NLK: variants seen among roughly 807,000 people sequenced by gnomAD.
NLK encodes the protein nemo like kinase, also known as serine/threonine-protein kinase NLK.
NLK carries 11 observed loss-of-function variants against 59.0 expected under a neutral mutation model. The ratio of observed to expected loss-of-function variants is 0.19; its 90% confidence interval spans 0.12 to 0.31. NLK has a LOEUF of 0.31. Ranked by LOEUF, NLK falls within the 10% of genes least tolerant of loss-of-function variation. NLK has a pLI of 1.00. For missense variants in NLK, 410 were observed against 661.1 expected (o/e 0.62, Z 4.16); for synonymous variants, 235 against 235.9 (o/e 1.00, Z 0.03).
chr17:28,086,190 A>G (rs1363153092), intron 1 of NLK, among the ~76,000 whole-genome samples: 1 of 152,208 alleles, frequency 6.6e-6, no homozygotes, highest in Non-Finnish European at 1.5e-5. Context: ...AAGGATTTAC[A>G]AGTTTTTTGT....
chr17:28,152,259 C>T (rs954451688), intron 3 of NLK, among the ~76,000 whole-genome samples: 1 of 152,160 alleles, frequency 6.6e-6, no homozygotes, highest in Non-Finnish European at 1.5e-5. Context: ...AATGTAGTCA[C>T]TGTTAGAATA....
At chr17:28,178,890 A>G (rs1260598156) in intron 7 of NLK, among the ~76,000 whole-genome samples, 2 of 152,214 alleles carry the variant, frequency 1.3e-5, no homozygotes, top group Non-Finnish European at 2.9e-5. Context: ...AATGAAAACT[A>G]ATAGGAACGT....
intron 1 of NLK, among the ~76,000 whole-genome samples, chr17:28,073,115 T>C (rs1910061302): frequency 6.6e-6 from 1 of 152,126 alleles, no homozygotes; most frequent in Admixed American, 6.6e-5. Flanking sequence ...ACACCACTAG[T>C]TTGAATTTTA....
chr17:28,187,159 G>A (rs1048783262), intron 8 of NLK, among the ~76,000 whole-genome samples: 4 of 152,178 alleles, frequency 2.6e-5, no homozygotes, highest in Non-Finnish European at 5.9e-5. Flanking sequence ...TGAAATTTAT[G>A]TGTTAGAAAT....
intron 7 of NLK, among the ~76,000 whole-genome samples, chr17:28,174,701 A>G (rs1908603678): frequency 6.6e-6 from 1 of 152,222 alleles, no homozygotes; most frequent in African/African-American, 2.4e-5. Context: ...TTCCTCCAGT[A>G]TGGAAATTCA....
chr17:28,167,960 T>C (rs1344925601), intron 5 of NLK, among the ~76,000 whole-genome samples: 1 of 152,082 alleles, frequency 6.6e-6, no homozygotes, highest in Non-Finnish European at 1.5e-5. Context: ...GTTTGAGACT[T>C]TTTTCCTCTC....
chr17:28,140,781 C>T (rs1021945846), intron 3 of NLK, among the ~76,000 whole-genome samples: 1 of 151,806 alleles, frequency 6.6e-6, no homozygotes, highest in Non-Finnish European at 1.5e-5. Context: ...TGGACTCCTT[C>T]TCTACTCCCC....
intron 1 of NLK, among the ~76,000 whole-genome samples, chr17:28,054,125 C>A (rs1272609725): frequency 1.3e-5 from 2 of 152,212 alleles, no homozygotes; most frequent in Non-Finnish European, 2.9e-5. Context: ...TAAAAGTAAT[C>A]CAGAAGCTAT....
intron 1 of NLK, among the ~76,000 whole-genome samples, chr17:28,063,399 A>G (rs1270267551): frequency 6.6e-6 from 1 of 152,188 alleles, no homozygotes; most frequent in Non-Finnish European, 1.5e-5. Context: ...AAAAGAATTT[A>G]AAATCGAGGA....
intron 3 of NLK, among the ~76,000 whole-genome samples, chr17:28,153,215 G>A (rs1417842132): frequency 1.3e-5 from 2 of 151,564 alleles, no homozygotes; most frequent in Admixed American, 1.3e-4. Flanking sequence ...TGGAGGTTGT[G>A]GTGAGCCGAG....
chr17:28,175,882 T>C (rs1430877151), intron 7 of NLK, among the ~76,000 whole-genome samples: 1 of 152,194 alleles, frequency 6.6e-6, no homozygotes, highest in Non-Finnish European at 1.5e-5. Flanking sequence ...TCTATTAATA[T>C]TTTATAACAG....
At chr17:28,050,293 T>C (rs1251576595) in intron 1 of NLK, among the ~76,000 whole-genome samples, 1 of 152,158 alleles carries the variant, frequency 6.6e-6, no homozygotes, top group Non-Finnish European at 1.5e-5. Context: ...AGGGCCTATA[T>C]GCAGGAGACT....
chr17:28,127,725 A>G (rs920453644), intron 2 of NLK, among the ~76,000 whole-genome samples: 2 of 152,228 alleles, frequency 1.3e-5, no homozygotes, highest in Non-Finnish European at 2.9e-5. Context: ...CTATATGCGT[A>G]TGGAAATTCA....
intron 7 of NLK, among the ~76,000 whole-genome samples, chr17:28,183,120 C>G (rs1418719161): frequency 6.6e-6 from 1 of 152,164 alleles, no homozygotes; most frequent in African/African-American, 2.4e-5. Flanking sequence ...ACTCGGGAGG[C>G]TGAGGTGGGA....
chr17:28,197,919 A>G (rs963315227), downstream of NLK, among the ~76,000 whole-genome samples: 1 of 152,238 alleles, frequency 6.6e-6, no homozygotes, highest in African/African-American at 2.4e-5. Context: ...CAAGAAGATG[A>G]CATACTTCAA....
intron 8 of NLK, among the ~76,000 whole-genome samples, chr17:28,190,126 G>A (rs564698708): frequency 1.8e-4 from 28 of 152,276 alleles, no homozygotes; most frequent in African/African-American, 6.5e-4. Flanking sequence ...TGGAATCAGG[G>A]CAAAGTGTGT....
intron 8 of NLK, among the ~76,000 whole-genome samples, chr17:28,187,900 T>G (rs925535960): frequency 6.6e-6 from 1 of 152,102 alleles, no homozygotes; most frequent in Admixed American, 6.6e-5. Flanking sequence ...ACATAGTCAT[T>G]TAAAAATAAA....
At chr17:28,078,301 A>G (rs1454007506) in intron 1 of NLK, among the ~76,000 whole-genome samples, 1 of 152,226 alleles carries the variant, frequency 6.6e-6, no homozygotes, top group African/African-American at 2.4e-5. Flanking sequence ...AAAAATGACT[A>G]TAAACCTCTT....
intron 1 of NLK, among the ~76,000 whole-genome samples, chr17:28,051,164 T>C (rs552061655): frequency 5.3e-5 from 8 of 152,206 alleles, no homozygotes; most frequent in East Asian, 3.9e-4. Flanking sequence ...AAATAGATCA[T>C]TGATGGCATT....
Sources: allele counts gnomAD v4.1 joint callset (sites outside exome capture counted in the v4.1 genomes callset), GRCh38; gene constraint gnomAD v4.1.1; transcripts MANE v1.5; gene names NCBI Gene and HGNC (gene_info 2026-07-23, HGNC 2026-07-21).